The following BACH2 variants were observed in gnomAD, a reference collection of about 807,000 sequenced individuals.
BACH2 encodes the protein BACH transcriptional regulator 2, also known as transcription regulator protein BACH2.
Under a neutral mutation model 61.8 loss-of-function variants are expected in BACH2, and 5 were observed. That is an observed-to-expected ratio of 0.08 (90% confidence interval 0.04 to 0.17). BACH2 has a LOEUF of 0.17. Ranked by LOEUF, BACH2 falls within the 10% of genes least tolerant of loss-of-function variation. BACH2 has a pLI of 1.00. For missense variants in BACH2, 824 were observed against 1,091.1 expected (o/e 0.76, Z 3.45); for synonymous variants, 446 against 440.1 (o/e 1.01, Z -0.17).
intron 1 of BACH2, among the ~76,000 whole-genome samples, chr6:90,295,101 C>T (rs1234617255): frequency 6.6e-6 from 1 of 152,058 alleles, no homozygotes; most frequent in African/African-American, 2.4e-5. Context: ...GCCCGCGGGC[C>T]CGCCGGGAGA....
intron 4 of BACH2, among the ~76,000 whole-genome samples, chr6:90,191,808 T>C (rs2127844900): frequency 6.6e-6 from 1 of 152,334 alleles, no homozygotes; most frequent in South Asian, 2.1e-4. Context: ...ATAATGATTA[T>C]TTATCAAATA....
chr6:90,051,245 T>A (rs2127794669), intron 5 of BACH2, among the ~76,000 whole-genome samples: 1 of 152,322 alleles, frequency 6.6e-6, no homozygotes, highest in African/African-American at 2.4e-5. Context: ...TTTTCTGTGT[T>A]ACTGGTATAT....
At chr6:90,263,671 A>G (rs2127877020) in intron 2 of BACH2, among the ~76,000 whole-genome samples, 1 of 152,346 alleles carries the variant, frequency 6.6e-6, no homozygotes, top group East Asian at 1.9e-4. Context: ...CTGTGATGAC[A>G]TCAAGCTTAA....
At chr6:90,296,028 G>A (rs1582578260) in intron 1 of BACH2, among the ~76,000 whole-genome samples, 3 of 152,188 alleles carry the variant, frequency 2.0e-5, no homozygotes, top group Admixed American at 1.3e-4. Flanking sequence ...GGGATCGCAG[G>A]CTGGGGGCCG....
intron 6 of BACH2, among the ~76,000 whole-genome samples, chr6:89,992,834 G>A (rs1433823675): frequency 1.3e-5 from 2 of 152,166 alleles, no homozygotes; most frequent in Non-Finnish European, 2.9e-5. Context: ...GGTTGCTATA[G>A]AGTTTTTTAG....
chr6:90,010,213 C>T (rs1235002270), intron 5 of BACH2, among the ~76,000 whole-genome samples: 3 of 152,176 alleles, frequency 2.0e-5, no homozygotes, highest in African/African-American at 4.8e-5. Context: ...AATCCATCAT[C>T]ACCAAAAGTC....
intron 5 of BACH2, among the ~76,000 whole-genome samples, chr6:90,058,142 G>A (rs1322976682): frequency 6.6e-6 from 1 of 152,156 alleles, no homozygotes; most frequent in East Asian, 1.9e-4. Context: ...GCAGGAGAAG[G>A]AAATAAAGGG....
intron 8 of BACH2, among the ~76,000 whole-genome samples, chr6:89,933,459 T>C (rs1311126006): frequency 6.6e-6 from 1 of 152,104 alleles, no homozygotes; most frequent in East Asian, 1.9e-4. Context: ...GGTGGATCCA[T>C]GTCATTATAC....
chr6:90,085,206 G>A (rs1229319222), intron 5 of BACH2, among the ~76,000 whole-genome samples: 3 of 152,164 alleles, frequency 2.0e-5, no homozygotes, highest in African/African-American at 7.2e-5. Flanking sequence ...CTTGGAGAAT[G>A]TAAAACAGGC....
chr6:89,940,364 A>C (rs959308214), intron 7 of BACH2, among the ~76,000 whole-genome samples: 1 of 152,150 alleles, frequency 6.6e-6, no homozygotes, highest in Non-Finnish European at 1.5e-5. Context: ...AAAGAGCCCC[A>C]AGTGCGGAAG....
intron 6 of BACH2, among the ~76,000 whole-genome samples, chr6:89,963,643 G>T (rs1458942409): frequency 6.6e-6 from 1 of 152,188 alleles, no homozygotes; most frequent in Non-Finnish European, 1.5e-5. Context: ...ATGGAAAACA[G>T]TATGAAGGTT....
At chr6:90,163,064 C>A (rs1767454744) in intron 4 of BACH2, among the ~76,000 whole-genome samples, 1 of 152,196 alleles carries the variant, frequency 6.6e-6, no homozygotes, top group Admixed American at 6.5e-5. Flanking sequence ...AGGCAGAAAT[C>A]ACCCCTCTCT....
chr6:90,041,843 T>G (rs1779551172), intron 5 of BACH2, among the ~76,000 whole-genome samples: 1 of 152,186 alleles, frequency 6.6e-6, no homozygotes, highest in Non-Finnish European at 1.5e-5. Flanking sequence ...ATTCTTCAAT[T>G]TTTCAGTTTT....
At chr6:90,284,100 A>C (rs530576101) in intron 1 of BACH2, among the ~76,000 whole-genome samples, 1 of 152,210 alleles carries the variant, frequency 6.6e-6, no homozygotes, top group African/African-American at 2.4e-5. Context: ...CTAGAAATTC[A>C]GTTGCTTTGA....
chr6:89,986,876 T>C (rs1776270148), intron 6 of BACH2, among the ~76,000 whole-genome samples: 1 of 152,204 alleles, frequency 6.6e-6, no homozygotes, highest in African/African-American at 2.4e-5. Flanking sequence ...AGGATTTCAG[T>C]ATGTCAGCTG....
Position 90,008,594 on chromosome 6 carries a change from T to C in BACH2, c.243+8A>G. 1 of 1,613,886 alleles carries C rather than the reference T, an allele frequency of 6.2e-7. No individual in the cohort carries two copies. Among genetic ancestry groups the C allele is most frequent in the Middle Eastern group, 1.7e-4 (1 of 5,926 alleles). On this transcript the variant is annotated splice_region_variant and intron_variant, in intron 6 of 8. Coordinates refer to ENST00000257749, the MANE Select transcript of BACH2 (RefSeq NM_021813.4). The surrounding 1 kb of genome is among the most constrained non-coding windows in gnomAD (Gnocchi z 4.1). ...TCATTAACAATCACACAAACCAAAT[T>C]ACTGTACCTCCTCAGGCAAGCTGAC... is the stretch of plus-strand genomic sequence containing the variant.
intron 6 of BACH2, among the ~76,000 whole-genome samples, chr6:89,996,512 A>G (rs1472124138): frequency 6.6e-6 from 1 of 152,176 alleles, no homozygotes; most frequent in Non-Finnish European, 1.5e-5. Context: ...TAGTGAGACC[A>G]TATTTTGACT....
chr6:90,144,741 C>T (rs1784562825), intron 4 of BACH2, among the ~76,000 whole-genome samples: 1 of 152,320 alleles, frequency 6.6e-6, no homozygotes, highest in Admixed American at 6.5e-5. Context: ...TCCTTCCTGA[C>T]ACACTCCATT....
chr6:90,045,829 T>A (rs1162358375), intron 5 of BACH2, among the ~76,000 whole-genome samples: 6 of 152,240 alleles, frequency 3.9e-5, no homozygotes, highest in African/African-American at 1.2e-4. Flanking sequence ...CACAGGGTTT[T>A]GTCTGCCACT....
Sources: gnomAD v4.1 joint callset for allele counts (sites outside exome capture counted in the v4.1 genomes callset) on GRCh38, gnomAD v4.1.1 for gene constraint, Gnocchi (gnomAD v3.1) non-coding constraint, MANE v1.5 for transcripts, NCBI Gene and HGNC (gene_info 2026-07-23, HGNC 2026-07-21) for gene names.